The following IKZF4 variants were observed in gnomAD, a reference collection of about 807,000 sequenced individuals.
The protein encoded by IKZF4 is IKAROS family zinc finger 4.
Under a neutral mutation model 47.7 loss-of-function variants are expected in IKZF4, and 11 were observed. The observed-to-expected ratio is 0.23, with a 90% CI of 0.15 to 0.38. IKZF4 has a LOEUF of 0.38. IKZF4 is among the 10% of genes least tolerant of loss of function. The pLI, the probability that IKZF4 is intolerant of heterozygous loss-of-function variation, is 1.00. For synonymous variants in IKZF4, 298 were observed against 299.4 expected, an observed-to-expected ratio of 1.00 and a Z score of 0.05; for missense variants, 557 against 784.9, an observed-to-expected ratio of 0.71 and a Z score of 3.47.
At chr12:56,023,811 G>A (rs1248577486) in intron 2 of IKZF4, 47 bp downstream of exon 2, 15 of 1,593,866 alleles carry the variant, frequency 9.4e-6, no homozygotes, top group Non-Finnish European at 1.3e-5. Context: ...CTAATAGGTG[G>A]ACTTCAGGGA....
chr12:56,017,334 A>T (rs1892249162), upstream of IKZF4, among the ~76,000 whole-genome samples: 1 of 143,832 alleles, frequency 7.0e-6, no homozygotes, highest in African/African-American at 2.6e-5. Flanking sequence ...TTACACCTTC[A>T]GTAGAGGACT....
At position 56,021,452 on chromosome 12, in the gene IKZF4, T is replaced by C; in HGVS notation, c.-42T>C. 1.3e-6 allele frequency: 2 copies of C among 1,562,434 alleles called. No individual in the cohort carries two copies. The highest frequency in any genetic ancestry group is 4.8e-5 in the East Asian group (2 of 41,404). On this transcript the variant is annotated 5_prime_UTR_variant, in exon 1 of 8. Coordinates refer to ENST00000547167, the MANE Select transcript of IKZF4 (RefSeq NM_022465.4). ...CCAGGAATCCACGCTTCCTGGAAGGTGAGTGGCTGGGCTCACCCCTGCCTG... is the reference window on the plus strand; with the variant it reads ...CCAGGAATCCACGCTTCCTGGAAGGCGAGTGGCTGGGCTCACCCCTGCCTG...
rs375844982 is a variant in IKZF4 at position 56,035,217 on chromosome 12, C to T, written c.1644C>T (p.His548=). The T allele has an allele frequency of 1.3e-5, 21 of 1,614,094 alleles. No homozygotes were observed. The African/African-American group carries it at 2.0e-4, about 15-fold the overall frequency. ...TGGACCACGTCATGTTCACTATCCACATGGGCTGCCATGGCTTCAGAGACC... is the reference window on the plus strand; with the variant it reads ...TGGACCACGTCATGTTCACTATCCATATGGGCTGCCATGGCTTCAGAGACC... ...LFLDHVMFTI[H]MGCHGFRDPF... Residue 548 remains histidine (H), a synonymous_variant, in exon 8 of 8, where the codon CAC becomes CAT. Coordinates refer to ENST00000547167, the MANE Select transcript of IKZF4 (RefSeq NM_022465.4). This position sits in a 1 kb window ranked among gnomAD's most constrained non-coding sequence, Gnocchi z 6.1.
chr12:56,032,478 G>A, intron 5 of IKZF4, 83 bp from the exon 6 acceptor site: 5 of 1,371,242 alleles, frequency 3.6e-6, no homozygotes, highest in Non-Finnish European at 4.9e-6. Flanking sequence ...CCATGCCAGT[G>A]TATACTTGCT....
intron 2 of IKZF4, chr12:56,024,070 G>C (rs1893536754): frequency 2.4e-6 from 1 of 424,412 alleles, no homozygotes; most frequent in Non-Finnish European, 3.2e-6. Context: ...TTGTGGGGAG[G>C]AGGGATTTTT....
At chr12:56,030,773 G>A (rs1894804202) in intron 5 of IKZF4, among the ~76,000 whole-genome samples, 1 of 151,982 alleles carries the variant, frequency 6.6e-6, no homozygotes, top group African/African-American at 2.4e-5. Flanking sequence ...GTTACCAGAG[G>A]CTGACTGAGA....
rs1238625045 is a variant in IKZF4, at chr12:56,034,925, A to G, written c.1352A>G (p.Asn451Ser). The change falls in exon 8 of 8, where the codon AAT becomes AGT. Residue 451 changes from asparagine (N) to serine (S), a missense_variant. By Grantham distance (46) the Asn-to-Ser change is conservative (BLOSUM62 1). Transcript: ENST00000547167. ...ACTGACCCTGGGGCATCCCCCAGCA[A>G]TGGCTGCCAGGACTCCACAGACACA... ...PLTDPGASPSNGCQDSTDTES... is the reference protein window; with the variant it reads ...PLTDPGASPSSGCQDSTDTES... 5 of 1,594,246 alleles carry G rather than the reference A, an allele frequency of 3.1e-6. No homozygotes were observed. Among genetic ancestry groups the G allele is most frequent in the Non-Finnish European group, 2.6e-6 (3 of 1,167,770 alleles).
At chr12:56,027,163 A>G in intron 4 of IKZF4, 122 bp downstream of exon 4, 1 of 996,610 alleles carries the variant, frequency 1.0e-6, no homozygotes, top group African/African-American at 1.7e-5. Context: ...GTAGCCTCAG[A>G]AAGGGAAGGG....
At chr12:56,013,511 T>C (rs1408968982) in intron 2 of IKZF4, among the ~76,000 whole-genome samples, 1 of 152,146 alleles carries the variant, frequency 6.6e-6, no homozygotes, top group Non-Finnish European at 1.5e-5. Context: ...TTATGTTGCT[T>C]TAAAGCTAAT....
In IKZF4 at chr12:56,035,225, G is replaced by C; in HGVS notation, c.1652G>C (p.Cys551Ser). ...DHVMFTIHMGCHGFRDPFECN... is the reference protein window; with the variant it reads ...DHVMFTIHMGSHGFRDPFECN... ...GTCATGTTCACTATCCACATGGGCTGCCATGGCTTCAGAGACCCTTTTGAG... is the reference window on the plus strand; with the variant it reads ...GTCATGTTCACTATCCACATGGGCTCCCATGGCTTCAGAGACCCTTTTGAG... The change falls in exon 8 of 8, where the codon TGC (cysteine) becomes TCC (serine). Residue 551 changes from cysteine (C) to serine (S), a missense_variant. Transcript: ENST00000547167. The surrounding 1 kb of genome is among the most constrained non-coding windows in gnomAD (Gnocchi z 6.1). 1 of 1,614,178 alleles carries C rather than the reference G, an allele frequency of 6.2e-7. No homozygotes were observed. Among genetic ancestry groups the C allele is most frequent in the Non-Finnish European group, 8.5e-7 (1 of 1,180,028 alleles).
At chr12:56,008,952 C>T (rs1305304439) in intron 1 of IKZF4, among the ~76,000 whole-genome samples, 2 of 152,188 alleles carry the variant, frequency 1.3e-5, no homozygotes, top group African/African-American at 2.4e-5. Context: ...GCTGGGATTA[C>T]AGGCATGAGC....
chr12:56,023,822 TGA>T, intron 2 of IKZF4, 58 bp downstream of exon 2: 1 of 1,582,236 alleles, frequency 6.3e-7, no homozygotes, highest in African/African-American at 1.3e-5. Flanking sequence ...ACTTCAGGGA[TGA>T]ATTTTAGGCT....
chr12:56,014,061 G>A (rs1394900107), intron 2 of IKZF4, among the ~76,000 whole-genome samples: 3 of 151,348 alleles, frequency 2.0e-5, no homozygotes, highest in Admixed American at 6.6e-5. Context: ...TTAGGCAGGA[G>A]AATCACTTGA....
intron 5 of IKZF4, among the ~76,000 whole-genome samples, chr12:56,030,186 C>T (rs536941346): frequency 6.6e-6 from 1 of 151,884 alleles, no homozygotes; most frequent in East Asian, 1.9e-4. Flanking sequence ...GAAGCCAAGG[C>T]GGGTGGATCG....
Position 56,032,345 on chromosome 12 carries a change from C to T in IKZF4, c.716-216C>T. 7.6e-6 allele frequency: 4 copies of T among 524,638 alleles called. No individual in the cohort carries two copies. The South Asian group carries it at 9.3e-5, about 12-fold the overall frequency. 32.5% of individuals were successfully genotyped at this position (524,638 alleles called of 1,614,324 possible). On this transcript the variant is annotated intron_variant, in intron 5 of 7. Coordinates refer to ENST00000547167, the MANE Select transcript of IKZF4 (RefSeq NM_022465.4). ...CTGAAGCCACATGCCCTAGGATTCC[C>T]TTGCCCCCATAACTGCACATTATCC...
intron 5 of IKZF4, chr12:56,032,138 T>G (rs889690189): frequency 6.3e-6 from 1 of 158,490 alleles, no homozygotes; most frequent in Non-Finnish European, 1.4e-5. Context: ...AATCCCCTTG[T>G]CTGATAAACA....
At chr12:56,007,652 C>G (rs1370469040), upstream of IKZF4, 1 of 152,864 alleles carries the variant, frequency 6.5e-6, no homozygotes, top group Non-Finnish European at 1.5e-5. Flanking sequence ...GTGGGGGACC[C>G]CCGCCCCCTC....
chr12:56,016,298 A>G (rs1388730990), upstream of IKZF4, among the ~76,000 whole-genome samples: 1 of 152,124 alleles, frequency 6.6e-6, no homozygotes, highest in African/African-American at 2.4e-5. Flanking sequence ...AGATCCTTCA[A>G]AAAGACCAAG....
chr12:56,025,315 T>C (rs1213609028), intron 3 of IKZF4, among the ~76,000 whole-genome samples, 157 bp downstream of exon 3: 1 of 152,246 alleles, frequency 6.6e-6, no homozygotes, highest in South Asian at 2.1e-4. Context: ...TCTAGGGTTT[T>C]TCTGGCTTCT....
Sources: allele counts gnomAD v4.1 joint callset (sites outside exome capture counted in the v4.1 genomes callset), GRCh38; gene constraint gnomAD v4.1.1; non-coding constraint Gnocchi (gnomAD v3.1); transcripts MANE v1.5; gene names NCBI Gene and HGNC (gene_info 2026-07-23, HGNC 2026-07-21).